Variants in TADA2A observed in about 807,000 individuals in gnomAD.
The protein encoded by TADA2A is transcriptional adapter 2-alpha.
TADA2A carries 38 observed loss-of-function variants against 67.4 expected under a neutral mutation model. That is an observed-to-expected ratio of 0.56 (90% CI 0.44 to 0.74). The LOEUF (loss-of-function observed/expected upper bound fraction) is 0.74, where lower values mean the gene tolerates loss of function less well. Among genes scored for constraint, TADA2A ranks in the 30% least tolerant of loss-of-function variants. The pLI is 0.00. For synonymous variants in TADA2A, 192 were observed against 181.6 expected, an observed-to-expected ratio of 1.06 and a Z score of -0.46; for missense variants, 454 against 547.0, an observed-to-expected ratio of 0.83 and a Z score of 1.70.
intron 12 of TADA2A, among the ~76,000 whole-genome samples, chr17:37,468,081 CAAA>C (rs5820219): frequency 2.3e-5 from 3 of 131,578 alleles, no homozygotes; most frequent in Admixed American, 7.7e-5. Flanking sequence ...GATTCTGTTT[CAAA>C]AAAAAAAAAA....
intron 2 of TADA2A, among the ~76,000 whole-genome samples, chr17:37,413,071 C>T (rs1027393648): frequency 6.6e-6 from 1 of 151,878 alleles, no homozygotes; most frequent in Non-Finnish European, 1.5e-5. Flanking sequence ...GGAGTATAGG[C>T]GTCTGCCACC....
At position 37,457,318 on chromosome 17, in the gene TADA2A, C is replaced by T. The variant is rs146413223; in HGVS notation, c.605-1206C>T. On this transcript the variant is annotated intron_variant, in intron 8 of 15. Transcript: ENST00000615182. ...GCCTCAGCCTCCCGAGTAGCTGGGA[C>T]TACAGGCACTTGCCACCACGCCCAG... 6.1e-3 allele frequency among the ~76,000 whole-genome samples: 893 copies of T among 145,276 alleles called. 10 individuals are homozygous for T. Among genetic ancestry groups the T allele is most frequent in the African/African-American group, 0.022 (856 of 39,164 alleles).
intron 8 of TADA2A, 143 bp downstream of exon 8, chr17:37,444,911 C>T: frequency 2.6e-6 from 2 of 763,482 alleles, no homozygotes; most frequent in Non-Finnish European, 4.3e-6. Flanking sequence ...GCTGAACTTA[C>T]TGTGTTGTTG....
intron 8 of TADA2A, among the ~76,000 whole-genome samples, chr17:37,451,351 C>T (rs2680719): frequency 0.2 from 29,607 of 146,902 alleles, 3,393 homozygotes; most frequent in East Asian, 0.54. Flanking sequence ...TTGAGACGCC[C>T]TCTGTAGCCC....
chr17:37,419,213 C>T, intron 2 of TADA2A, among the ~76,000 whole-genome samples: 1 of 145,184 alleles, frequency 6.9e-6, no homozygotes, highest in East Asian at 2.2e-4. Context: ...CTTTCTTACC[C>T]AGGCTGGAGT....
chr17:37,427,089 C>CT, intron 4 of TADA2A, 80 bp downstream of exon 4: 1 of 1,263,120 alleles, frequency 7.9e-7, no homozygotes, highest in Non-Finnish European at 1.1e-6. Context: ...TTCCATTTTT[C>CT]TTTAAGCTCT....
At chr17:37,454,207 C>A (rs1597914955) in intron 8 of TADA2A, 2 of 155,070 alleles carry the variant, frequency 1.3e-5, no homozygotes, top group Middle Eastern at 3.4e-3. Context: ...GGTACAAGAT[C>A]TACCCCAGAC....
At chr17:37,432,614 C>T (rs2052602557) in intron 4 of TADA2A, among the ~76,000 whole-genome samples, 1 of 152,206 alleles carries the variant, frequency 6.6e-6, no homozygotes, top group Admixed American at 6.5e-5. Context: ...GACACCTGGG[C>T]CTTGCCCACG....
chr17:37,469,172 G>A (rs899286952), intron 12 of TADA2A, among the ~76,000 whole-genome samples: 4 of 151,562 alleles, frequency 2.6e-5, no homozygotes, highest in Admixed American at 1.3e-4. Context: ...CTCCCAAAGC[G>A]CTGGGATTAC....
chr17:37,418,881 G>GC (rs1437198811), intron 2 of TADA2A, among the ~76,000 whole-genome samples: 6,910 of 147,086 alleles, frequency 0.047, 636 homozygotes, highest in East Asian at 0.096. Flanking sequence ...GAGCCACCGT[G>GC]CCTGGCTATT....
intron 15 of TADA2A, among the ~76,000 whole-genome samples, chr17:37,475,888 A>G (rs2148055102): frequency 6.6e-6 from 1 of 152,348 alleles, no homozygotes; most frequent in African/African-American, 2.4e-5. Context: ...AGTTTTCAGA[A>G]AACTTTGTCA....
At chr17:37,422,339 C>A (rs2147923106) in intron 2 of TADA2A, among the ~76,000 whole-genome samples, 1 of 151,236 alleles carries the variant, frequency 6.6e-6, no homozygotes, top group African/African-American at 2.4e-5. Context: ...CCACCGTGCC[C>A]AGCCAATTTT....
At chr17:37,436,912 T>C (rs1048315534) in intron 4 of TADA2A, among the ~76,000 whole-genome samples, 2 of 151,738 alleles carry the variant, frequency 1.3e-5, no homozygotes, top group South Asian at 2.1e-4. Context: ...TTTAAAAATA[T>C]ATGTATATCT....
At chr17:37,434,166 G>A (rs1446121537) in intron 4 of TADA2A, among the ~76,000 whole-genome samples, 2 of 152,144 alleles carry the variant, frequency 1.3e-5, no homozygotes, top group Non-Finnish European at 2.9e-5. Context: ...AGGTCGAAGT[G>A]TATTTTGTAC....
At chr17:37,434,101 A>G (rs1377366966) in intron 4 of TADA2A, among the ~76,000 whole-genome samples, 1 of 152,158 alleles carries the variant, frequency 6.6e-6, no homozygotes, top group Non-Finnish European at 1.5e-5. Flanking sequence ...TTTAGTCATA[A>G]TGTTTTCTCC....
chr17:37,422,481 GATTATTATTATTATT>G (rs60163170), intron 2 of TADA2A, among the ~76,000 whole-genome samples: 5 of 136,988 alleles, frequency 3.6e-5, no homozygotes, highest in Non-Finnish European at 6.2e-5. Context: ...ATGCCCAGCT[GATTATTATTATTATT>G]ATTATTATTA....
chr17:37,467,581 A>G, intron 12 of TADA2A, 56 bp downstream of exon 12: 1 of 1,396,844 alleles, frequency 7.2e-7, no homozygotes, highest in South Asian at 1.2e-5. Context: ...CCAGACACAC[A>G]GAGGAAGTCT....
chr17:37,431,793 T>A (rs1432831822), intron 4 of TADA2A, among the ~76,000 whole-genome samples: 1 of 152,114 alleles, frequency 6.6e-6, no homozygotes, highest in African/African-American at 2.4e-5. Context: ...CTTGAACTCC[T>A]GACCTCAGGT....
chr17:37,415,497 T>TA (rs1394326513), intron 2 of TADA2A, among the ~76,000 whole-genome samples: 2 of 152,148 alleles, frequency 1.3e-5, no homozygotes, highest in Non-Finnish European at 2.9e-5. Context: ...ATATTCATGG[T>TA]AAAAAATTCC....
Sources: allele counts gnomAD v4.1 joint callset (sites outside exome capture counted in the v4.1 genomes callset), GRCh38; gene constraint gnomAD v4.1.1; transcripts MANE v1.5; gene names NCBI Gene and HGNC (gene_info 2026-07-23, HGNC 2026-07-21).